Variants in ZNF208 observed in about 807,000 individuals in gnomAD.
ZNF208 encodes the protein zinc finger protein 95.
A neutral mutation model predicts 12.1 loss-of-function variants in ZNF208; 10 were observed. That is an observed-to-expected ratio of 0.83 (90% confidence interval 0.51 to 1.40). The LOEUF is 1.40. ZNF208 is among the 40% of genes most tolerant of loss of function. The pLI, the probability that ZNF208 is intolerant of heterozygous loss-of-function variation, is 0.00. For synonymous variants in ZNF208, 497 were observed against 488.4 expected (o/e 1.02, Z -0.23); for missense variants, 1,652 against 1,485.0 (o/e 1.11, Z -1.85).
At chr19:22,005,712 C>T (rs1971031517) in intron 1 of ZNF208, among the ~76,000 whole-genome samples, 1 of 152,150 alleles carries the variant, frequency 6.6e-6, no homozygotes, top group African/African-American at 2.4e-5. Context: ...GATACAGCTA[C>T]TCACAGAACT....
intron 3 of ZNF208, among the ~76,000 whole-genome samples, chr19:21,983,431 G>A (rs929568612): frequency 8.5e-5 from 13 of 152,174 alleles, no homozygotes; most frequent in African/African-American, 2.7e-4. Context: ...AGCCATTGTG[G>A]AAGACAATGT....
Position 21,970,816 on chromosome 19 carries a change from C to T in ZNF208, c.*375G>A. 6.8e-7 allele frequency: 1 copy of T among 1,467,246 alleles called. No individual in the cohort carries two copies. The highest frequency in any genetic ancestry group is 9.5e-7 in the Non-Finnish European group (1 of 1,051,046). The allele number at this position is 1,467,246 out of a possible 1,614,324, so 90.9% of individuals were successfully genotyped here. On this transcript the variant is annotated 3_prime_UTR_variant, in exon 4 of 4. Coordinates refer to ENST00000397126, the MANE Select transcript of ZNF208 (RefSeq NM_007153.3). ...TGAATTTTCTTATGTTTACTAAAGACTGAGAACCAGCTGAAGGCTTTGCCA... is the reference window on the plus strand; with the variant it reads ...TGAATTTTCTTATGTTTACTAAAGATTGAGAACCAGCTGAAGGCTTTGCCA...
At chr19:21,987,397 T>G in intron 2 of ZNF208, 86 bp from the exon 3 acceptor site, 2 of 1,265,146 alleles carry the variant, frequency 1.6e-6, no homozygotes, top group Non-Finnish European at 2.1e-6. Flanking sequence ...GAGGATGTAA[T>G]AGAATATTCT....
rs1438463033 is a variant in ZNF208, at chr19:21,969,915, T to A, written c.*1276A>T. Among the ~76,000 whole-genome samples the A allele has an allele frequency of 6.6e-6, 1 of 152,200 alleles. No homozygotes were observed. The highest frequency in any genetic ancestry group is 1.5e-5 in the Non-Finnish European group (1 of 68,036). On this transcript the variant is annotated 3_prime_UTR_variant, in exon 4 of 4. Coordinates refer to ENST00000397126, the MANE Select transcript of ZNF208 (RefSeq NM_007153.3). ...ATATTACTGGCATTAACAAAAATTTTTTTTTCCAGACAGTCTCTCTCTGTT... is the reference window on the plus strand; with the variant it reads ...ATATTACTGGCATTAACAAAAATTTATTTTTCCAGACAGTCTCTCTCTGTT...
chr19:21,949,562 A>G (rs1367687075), intron 4 of ZNF208, among the ~76,000 whole-genome samples: 1 of 152,148 alleles, frequency 6.6e-6, no homozygotes, highest in Non-Finnish European at 1.5e-5. Flanking sequence ...AGCACCTAAA[A>G]ACTCACTCGC....
At chr19:21,961,676 G>A (rs1455229209), downstream of ZNF208, among the ~76,000 whole-genome samples, 2 of 152,022 alleles carry the variant, frequency 1.3e-5, no homozygotes, top group African/African-American at 4.8e-5. Context: ...GACCTCCCCT[G>A]AGGAATGCAT....
At chr19:21,943,070 A>G (rs998718386) in intron 4 of ZNF208, among the ~76,000 whole-genome samples, 6 of 152,242 alleles carry the variant, frequency 3.9e-5, no homozygotes, top group Admixed American at 1.3e-4. Context: ...CTGAGAAAAC[A>G]GATTCTACTG....
intron 1 of ZNF208, among the ~76,000 whole-genome samples, chr19:21,995,457 T>C (rs1184883943): frequency 3.9e-5 from 6 of 152,164 alleles, no homozygotes; most frequent in Admixed American, 6.5e-5. Context: ...GCAGAATTAA[T>C]CACTCTTGTC....
At chr19:21,978,591 G>C (rs1230300243) in intron 3 of ZNF208, among the ~76,000 whole-genome samples, 1 of 152,170 alleles carries the variant, frequency 6.6e-6, no homozygotes, top group Non-Finnish European at 1.5e-5. Flanking sequence ...AAGACCAAAG[G>C]TAGATAAATC....
chr19:22,001,225 C>A (rs1274451062), intron 1 of ZNF208, among the ~76,000 whole-genome samples: 1 of 152,032 alleles, frequency 6.6e-6, no homozygotes. Flanking sequence ...GCGGAGGTTG[C>A]GGTGAGCCGA....
chr19:21,941,013 T>TCA (rs1568431214), intron 4 of ZNF208: 1 of 217,420 alleles, frequency 4.6e-6, no homozygotes, highest in Non-Finnish European at 9.0e-6. Flanking sequence ...CCTGCTGTGC[T>TCA]CAGCTGGGTC....
intron 4 of ZNF208, among the ~76,000 whole-genome samples, chr19:21,949,800 G>A (rs1410886065): frequency 6.6e-6 from 1 of 152,224 alleles, no homozygotes; most frequent in Non-Finnish European, 1.5e-5. Context: ...GCCTGCCTCT[G>A]AGCAGTTTTG....
chr19:21,985,873 C>T (rs1970621994), intron 3 of ZNF208, among the ~76,000 whole-genome samples: 1 of 152,180 alleles, frequency 6.6e-6, no homozygotes, highest in Admixed American at 6.5e-5. Context: ...TATTATAAAG[C>T]CCACCATACG....
At chr19:22,004,773 G>A (rs1349311273) in intron 1 of ZNF208, among the ~76,000 whole-genome samples, 7 of 152,098 alleles carry the variant, frequency 4.6e-5, no homozygotes, top group Admixed American at 4.6e-4. Context: ...GTGGAGGGTG[G>A]GAGGACTAAA....
intron 3 of ZNF208, among the ~76,000 whole-genome samples, chr19:21,976,760 C>T (rs540264160): frequency 1.3e-5 from 2 of 152,194 alleles, no homozygotes; most frequent in South Asian, 4.2e-4. Context: ...AGAGTTTTAC[C>T]ATGTTGGCCA....
chr19:21,965,723 A>T (rs1461210675), downstream of ZNF208: 1 of 150,822 alleles, frequency 6.6e-6, no homozygotes, highest in Non-Finnish European at 1.5e-5. Flanking sequence ...TTTTTTTTTT[A>T]GAAAAAATGT....
At chr19:22,007,099 G>A (rs567224671) in intron 1 of ZNF208, among the ~76,000 whole-genome samples, 2 of 152,118 alleles carry the variant, frequency 1.3e-5, no homozygotes, top group South Asian at 4.1e-4. Context: ...ATTACCTACC[G>A]CATTTTCTTG....
Position 21,971,381 on chromosome 19 carries a change from ATT to A in ZNF208, c.3651_3652del (p.Lys1217AsnfsTer11), listed in dbSNP as rs752169961. The stretch of plus-strand genomic sequence containing the variant: ...TTTGTAGGGTTTCTCTCCAGTATGA[ATT>A]TTCTTGTGATATCTAAGGGTTGAGG... On this transcript the variant is annotated frameshift_variant, in exon 4 of 4. Coordinates refer to ENST00000397126, the MANE Select transcript of ZNF208 (RefSeq NM_007153.3). LOFTEE classifies it low-confidence loss of function (END_TRUNC). 6.2e-7 allele frequency: 1 copy of A among 1,608,698 alleles called. No homozygotes were observed. Among genetic ancestry groups the A allele is most frequent in the East Asian group, 2.2e-5 (1 of 44,704 alleles).
At position 21,974,653 on chromosome 19, in the gene ZNF208, T is replaced by G. The variant is rs762268288; in HGVS notation, c.381A>C (p.Lys127Asn). ...YTNVDECKVHKEGYNKLNQSL... is the reference protein window; with the variant it reads ...YTNVDECKVHNEGYNKLNQSL... Reference sequence around the variant, plus strand: ...TCTGGTTAAGTTTATTATAACCTTCTTTGTGCACCTTACACTCATCCACAT... The same window carrying G: ...TCTGGTTAAGTTTATTATAACCTTCGTTGTGCACCTTACACTCATCCACAT... Residue 127 changes from lysine (K) to asparagine (N), a missense_variant, in exon 4 of 4, where the codon AAA (lysine) becomes AAC (asparagine). Physicochemically the swap from Lys to Asn is moderately conservative, Grantham distance 94 (BLOSUM62 0). Around this residue, in one of 3 missense-constraint regions of ZNF208, gnomAD observed 410 missense variants for 378.2 expected, o/e 1.08. Coordinates refer to ENST00000397126, the MANE Select transcript of ZNF208 (RefSeq NM_007153.3). 1.2e-6 allele frequency: 2 copies of G among 1,613,688 alleles called. No homozygotes were observed. The highest frequency in any genetic ancestry group is 2.7e-5 in the African/African-American group (2 of 74,918).
Sources: gnomAD v4.1 joint callset for allele counts (sites outside exome capture counted in the v4.1 genomes callset) on GRCh38, gnomAD v4.1.1 for gene constraint, gnomAD v4.1.1 regional missense constraint, MANE v1.5 for transcripts, NCBI Gene and HGNC (gene_info 2026-07-23, HGNC 2026-07-21) for gene names.